PDGFD: variants seen among roughly 807,000 people sequenced by gnomAD.
PDGFD encodes the protein platelet-derived growth factor D.
A neutral mutation model predicts 44.7 loss-of-function variants in PDGFD; 30 were observed. The observed-to-expected ratio is 0.67, with a 90% CI of 0.50 to 0.91. PDGFD has a LOEUF of 0.91. Ranked by LOEUF, PDGFD falls within the 40% of genes least tolerant of loss-of-function variation. The probability of loss-of-function intolerance (pLI) is 0.00; values close to 1 mark genes in which losing one functional copy is unlikely to be tolerated. For missense variants in PDGFD, 445 were observed against 457.8 expected (o/e 0.97, Z 0.25); for synonymous variants, 173 against 168.4 (o/e 1.03, Z -0.21).
At chr11:104,046,946 T>G (rs1191851312) in intron 1 of PDGFD, among the ~76,000 whole-genome samples, 2 of 146,298 alleles carry the variant, frequency 1.4e-5, no homozygotes, top group Non-Finnish European at 3.0e-5. Flanking sequence ...TGTGTCTACA[T>G]GTTCTCATTG....
In PDGFD at chr11:103,945,274, G is replaced by T. The variant is rs116499806; in HGVS notation, c.574-1624C>A. Among the ~76,000 whole-genome samples the T allele has an allele frequency of 3.0e-3, 451 of 152,164 alleles. 2 individuals are homozygous for T. The highest frequency in any genetic ancestry group is 0.01 in the African/African-American group (420 of 41,522). On this transcript the variant is annotated intron_variant, in intron 4 of 6. Coordinates refer to ENST00000393158, the MANE Select transcript of PDGFD (RefSeq NM_025208.5). ...CTGATAGGTTGTCCCTTTAATCTAC[G>T]TGACTGTGTGTGGGTGTCTGTGTCT...
intron 1 of PDGFD, among the ~76,000 whole-genome samples, chr11:104,023,250 A>G (rs1859991813): frequency 7.9e-5 from 12 of 152,302 alleles, no homozygotes; most frequent in Admixed American, 7.2e-4. Context: ...CCGTCTGAAC[A>G]GTATTTTACT....
intron 1 of PDGFD, among the ~76,000 whole-genome samples, chr11:104,133,381 T>C (rs926599009): frequency 5.9e-5 from 9 of 152,332 alleles, no homozygotes; most frequent in Middle Eastern, 6.8e-3. Context: ...CTTCTGTAGC[T>C]GAACATCTTT....
chr11:104,137,378 A>AAT (rs146268748), intron 1 of PDGFD, among the ~76,000 whole-genome samples: 19,733 of 152,088 alleles, frequency 0.13, 1,412 homozygotes, highest in East Asian at 0.29. Context: ...AGAAAAAAAA[A>AAT]AATGGAATAA....
intron 1 of PDGFD, among the ~76,000 whole-genome samples, chr11:104,133,174 T>G (rs1861948811): frequency 6.6e-6 from 1 of 152,120 alleles, no homozygotes; most frequent in African/African-American, 2.4e-5. Flanking sequence ...CTCAAATATT[T>G]GTTAAACAAG....
At position 104,082,137 on chromosome 11, in the gene PDGFD, C is replaced by CATTATATATATATATATATAT. The variant is rs1555050974; in HGVS notation, c.124+81666_124+81667insATATATATATATATATATAAT. 3.2e-3 allele frequency among the ~76,000 whole-genome samples: 396 copies of CATTATATATATATATATATAT among 123,256 alleles called. 15 individuals carry two copies. Among genetic ancestry groups the CATTATATATATATATATATAT allele is most frequent in the Middle Eastern group, 0.013 (3 of 224 alleles). The allele number at this position is 123,256 out of a possible 152,430, so 80.9% of individuals were successfully genotyped here. Reference sequence around the variant, plus strand: ...TTGTTGATGTCCATATACATACATACATATATATATATGAAAAACAAAGTC... The same window carrying CATTATATATATATATATATAT: ...TTGTTGATGTCCATATACATACATACATTATATATATATATATATATATATATATATATGAAAAACAAAGTC... On this transcript the variant is annotated intron_variant, in intron 1 of 6. Coordinates refer to ENST00000393158, the MANE Select transcript of PDGFD (RefSeq NM_025208.5).
At chr11:104,136,889 T>A (rs989762068) in intron 1 of PDGFD, among the ~76,000 whole-genome samples, 2 of 152,190 alleles carry the variant, frequency 1.3e-5, no homozygotes, top group African/African-American at 4.8e-5. Flanking sequence ...CCTTGAACAT[T>A]TTACAGTCAC....
At chr11:103,925,984 C>A (rs967102565) in intron 6 of PDGFD, among the ~76,000 whole-genome samples, 2 of 152,022 alleles carry the variant, frequency 1.3e-5, no homozygotes, top group African/African-American at 2.4e-5. Context: ...CCACCTCGGC[C>A]TCCCAAAGTG....
At chr11:104,028,337 G>A (rs567928375) in intron 1 of PDGFD, among the ~76,000 whole-genome samples, 12 of 151,648 alleles carry the variant, frequency 7.9e-5, no homozygotes, top group Non-Finnish European at 1.5e-4. Context: ...AGAAGGTACA[G>A]ACCTGAGGCT....
chr11:103,986,457 A>T (rs966953306), intron 3 of PDGFD, among the ~76,000 whole-genome samples: 4 of 152,166 alleles, frequency 2.6e-5, no homozygotes, highest in Admixed American at 2.6e-4. Context: ...GTAGGGGGGA[A>T]CTCTTCTTTC....
At chr11:104,032,467 T>G (rs1345038473) in intron 1 of PDGFD, among the ~76,000 whole-genome samples, 2 of 152,152 alleles carry the variant, frequency 1.3e-5, no homozygotes, top group African/African-American at 2.4e-5. Flanking sequence ...GAAATCCCAA[T>G]GTAGCAAGCA....
intron 3 of PDGFD, among the ~76,000 whole-genome samples, chr11:103,982,102 C>T (rs1859280124): frequency 6.6e-6 from 1 of 151,748 alleles, no homozygotes; most frequent in African/African-American, 2.4e-5. Context: ...AATCCTCACC[C>T]CCATTCCTCC....
chr11:103,999,293 G>A (rs17101832), intron 2 of PDGFD, among the ~76,000 whole-genome samples: 7,351 of 151,650 alleles, frequency 0.048, 261 homozygotes, highest in African/African-American at 0.099. Flanking sequence ...CAGAACAAGT[G>A]TGTGCAGTAA....
At chr11:104,149,539 T>C (rs546137706) in intron 1 of PDGFD, among the ~76,000 whole-genome samples, 3 of 152,292 alleles carry the variant, frequency 2.0e-5, no homozygotes, top group African/African-American at 4.8e-5. Context: ...AAAGTGAACA[T>C]TGGAAGGAGC....
At chr11:104,082,292 C>T (rs1468179543) in intron 1 of PDGFD, among the ~76,000 whole-genome samples, 1 of 151,808 alleles carries the variant, frequency 6.6e-6, no homozygotes, top group Non-Finnish European at 1.5e-5. Context: ...CTCTGAGTGG[C>T]TACTCCTTCT....
intron 3 of PDGFD, among the ~76,000 whole-genome samples, chr11:103,983,697 T>C (rs1270633076): frequency 1.3e-5 from 2 of 151,820 alleles, no homozygotes; most frequent in Admixed American, 1.3e-4. Context: ...ATCCAGACTC[T>C]ATAAGGAACT....
intron 1 of PDGFD, among the ~76,000 whole-genome samples, chr11:104,107,025 G>A (rs1406363108): frequency 6.6e-6 from 1 of 152,118 alleles, no homozygotes; most frequent in East Asian, 1.9e-4. Flanking sequence ...GATTAGAGGC[G>A]TGAGCTACCA....
chr11:104,083,959 G>A (rs1861083751), intron 1 of PDGFD, among the ~76,000 whole-genome samples: 1 of 152,166 alleles, frequency 6.6e-6, no homozygotes, highest in African/African-American at 2.4e-5. Context: ...CCCATGTACA[G>A]GTTATGAAAA....
At chr11:104,105,745 C>T (rs1861463933) in intron 1 of PDGFD, among the ~76,000 whole-genome samples, 1 of 151,200 alleles carries the variant, frequency 6.6e-6, no homozygotes, top group South Asian at 2.1e-4. Flanking sequence ...AGGAAACTGA[C>T]AATAAAAATG....
Sources: allele counts gnomAD v4.1 joint callset (sites outside exome capture counted in the v4.1 genomes callset), GRCh38; gene constraint gnomAD v4.1.1; transcripts MANE v1.5; gene names NCBI Gene and HGNC (gene_info 2026-07-23, HGNC 2026-07-21).